The following DYNLT2B variants were observed in gnomAD, a reference collection of about 807,000 sequenced individuals.
The protein encoded by DYNLT2B is dynein light chain Tctex-type 2B.
DYNLT2B carries 14 observed loss-of-function variants against 19.5 expected under a neutral mutation model. The observed-to-expected ratio is 0.72, with a 90% CI of 0.47 to 1.12. DYNLT2B has a LOEUF of 1.12. DYNLT2B is among the 50% of genes most tolerant of loss of function. The pLI is 0.00. For synonymous variants in DYNLT2B, 70 were observed against 59.7 expected (o/e 1.17, Z -0.79); for missense variants, 133 against 174.7 (o/e 0.76, Z 1.35).
At chr3:196,303,392 C>T (rs1174669943) in intron 3 of DYNLT2B, among the ~76,000 whole-genome samples, 4 of 152,144 alleles carry the variant, frequency 2.6e-5, no homozygotes, top group African/African-American at 9.7e-5. Context: ...AGGCAGCGGG[C>T]AAGTGAACCC....
At chr3:196,303,309 C>A (rs1209535164) in intron 3 of DYNLT2B, among the ~76,000 whole-genome samples, 1 of 151,948 alleles carries the variant, frequency 6.6e-6, no homozygotes, top group Non-Finnish European at 1.5e-5. Context: ...CTCCGGTCTC[C>A]CGCACAGCCG....
intron 3 of DYNLT2B, among the ~76,000 whole-genome samples, chr3:196,300,131 G>C (rs1156932031): frequency 6.6e-6 from 1 of 152,088 alleles, no homozygotes; most frequent in Non-Finnish European, 1.5e-5. Context: ...TTCAGTCTTA[G>C]AGCCTCCAGA....
At chr3:196,309,875 G>A (rs762655061) in intron 2 of DYNLT2B, among the ~76,000 whole-genome samples, 4 of 151,218 alleles carry the variant, frequency 2.6e-5, no homozygotes, top group Non-Finnish European at 5.9e-5. Flanking sequence ...TTGAACCTGG[G>A]AGGTGGAGGT....
At chr3:196,296,577 G>A (rs1726227151) in intron 3 of DYNLT2B, among the ~76,000 whole-genome samples, 1 of 151,106 alleles carries the variant, frequency 6.6e-6, no homozygotes, top group East Asian at 1.9e-4. Context: ...GCAATTCTTG[G>A]ATAAGAAAAA....
chr3:196,309,617 A>G (rs939580578), intron 2 of DYNLT2B, among the ~76,000 whole-genome samples: 6 of 152,078 alleles, frequency 3.9e-5, no homozygotes, highest in East Asian at 1.9e-4. Flanking sequence ...CTTCCAGTGG[A>G]AGGAAGGAAG....
At chr3:196,303,137 C>T (rs1166008383) in intron 3 of DYNLT2B, among the ~76,000 whole-genome samples, 2 of 151,886 alleles carry the variant, frequency 1.3e-5, no homozygotes, top group African/African-American at 2.4e-5. Context: ...CTTGTGGCCC[C>T]GACCCAGGAA....
intron 2 of DYNLT2B, among the ~76,000 whole-genome samples, chr3:196,314,891 A>C (rs527518054): frequency 6.6e-6 from 1 of 152,252 alleles, no homozygotes; most frequent in African/African-American, 2.4e-5. Flanking sequence ...AAAAGCACAA[A>C]ATATGCTCTA....
intron 2 of DYNLT2B, among the ~76,000 whole-genome samples, chr3:196,308,255 C>A (rs1330681359): frequency 2.0e-5 from 3 of 151,986 alleles, no homozygotes; most frequent in Non-Finnish European, 4.4e-5. Context: ...GAAGATGTGG[C>A]CGGCCAATAA....
chr3:196,303,164 A>G (rs1726399072), intron 3 of DYNLT2B, among the ~76,000 whole-genome samples: 1 of 151,708 alleles, frequency 6.6e-6, no homozygotes, highest in African/African-American at 2.4e-5. Context: ...CAGCACAAGA[A>G]GACAGCTGAC....
At chr3:196,298,981 A>G (rs548941612) in intron 3 of DYNLT2B, among the ~76,000 whole-genome samples, 40 of 151,274 alleles carry the variant, frequency 2.6e-4, no homozygotes, top group African/African-American at 8.8e-4. Context: ...GCACGATCTC[A>G]GCTCACTGCA....
At chr3:196,304,191 GGC>G (rs1726426482) in intron 3 of DYNLT2B, among the ~76,000 whole-genome samples, 5 of 151,982 alleles carry the variant, frequency 3.3e-5, no homozygotes, top group Non-Finnish European at 7.4e-5. Flanking sequence ...GGAGTGCAGT[GGC>G]GTGATCTCAG....
chr3:196,299,959 C>T (rs1308315452), intron 3 of DYNLT2B, among the ~76,000 whole-genome samples: 3 of 151,976 alleles, frequency 2.0e-5, no homozygotes, highest in African/African-American at 7.3e-5. Flanking sequence ...AATAAAGTAA[C>T]TAGTATGACT....
chr3:196,311,921 C>T (rs1016203571), intron 2 of DYNLT2B, among the ~76,000 whole-genome samples: 7 of 152,020 alleles, frequency 4.6e-5, no homozygotes, highest in Admixed American at 1.3e-4. Flanking sequence ...GACAGAGTTT[C>T]GCCCTTGTTG....
chr3:196,306,247 CAAAAAA>C (rs112341100), intron 3 of DYNLT2B, among the ~76,000 whole-genome samples: 2 of 104,584 alleles, frequency 1.9e-5, no homozygotes, highest in Non-Finnish European at 2.0e-5. Flanking sequence ...CCCATCTCTG[CAAAAAA>C]AAAAAAAAAA....
chr3:196,295,597 C>T (rs553541706), intron 4 of DYNLT2B, among the ~76,000 whole-genome samples: 1 of 152,224 alleles, frequency 6.6e-6, no homozygotes, highest in Non-Finnish European at 1.5e-5. Context: ...TTGTTTGCAA[C>T]TTAGCAAAGT....
At chr3:196,317,909 G>A in intron 1 of DYNLT2B, 131 bp downstream of exon 1, 1 of 372,012 alleles carries the variant, frequency 2.7e-6, no homozygotes, top group Non-Finnish European at 4.5e-6. Context: ...CCCGCCTCGC[G>A]GCCTCCCGCC....
chr3:196,309,923 G>C (rs1726588764), intron 2 of DYNLT2B, among the ~76,000 whole-genome samples: 1 of 148,970 alleles, frequency 6.7e-6, no homozygotes, highest in South Asian at 2.1e-4. Flanking sequence ...ACTCCAGCTT[G>C]TGCAACAAGA....
chr3:196,297,358 C>G (rs551332930), intron 3 of DYNLT2B, among the ~76,000 whole-genome samples: 2 of 152,192 alleles, frequency 1.3e-5, no homozygotes, highest in East Asian at 3.9e-4. Context: ...AACCCCATCT[C>G]TACTAAAAAT....
Position 196,318,088 on chromosome 3 carries a change from G to T in DYNLT2B, c.65C>A (p.Ala22Glu). 3 of 1,567,502 alleles carry T rather than the reference G, an allele frequency of 1.9e-6. No individual in the cohort carries two copies. Among genetic ancestry groups the T allele is most frequent in the Non-Finnish European group, 1.7e-6 (2 of 1,161,468 alleles). The change falls in exon 1 of 5, where the codon GCA becomes GAA. Residue 22 changes from alanine to glutamate, a missense_variant. Ala to Glu is a moderately radical substitution (Grantham distance 107). Transcript: ENST00000325318. ...GDGVPEAEKN[A>E]GEPENTYILR... ...AATATAGGTGTTCTCGGGCTCCCCT[G>T]CGTTCTTCTCAGCCTCAGGCACCCC...
Sources: gnomAD v4.1 joint callset for allele counts (sites outside exome capture counted in the v4.1 genomes callset) on GRCh38, gnomAD v4.1.1 for gene constraint, MANE v1.5 for transcripts, NCBI Gene and HGNC (gene_info 2026-07-23, HGNC 2026-07-21) for gene names.